The following ANXA13 variants were observed in gnomAD, a reference collection of about 807,000 sequenced individuals.
ANXA13 encodes annexin A13, also known as annexin XIII.
A neutral mutation model predicts 46.6 loss-of-function variants in ANXA13; 36 were observed. The observed-to-expected ratio is 0.77, with a 90% CI of 0.59 to 1.02. ANXA13 has a LOEUF of 1.02. Among genes scored for constraint, ANXA13 ranks in the 50% least tolerant of loss-of-function variants. The pLI is 0.00. For missense variants in ANXA13, 417 were observed against 396.5 expected (o/e 1.05, Z -0.44); for synonymous variants, 163 against 152.9 (o/e 1.07, Z -0.49).
chr8:123,686,172 G>A (rs1005113933), intron 9 of ANXA13, among the ~76,000 whole-genome samples: 2 of 152,138 alleles, frequency 1.3e-5, no homozygotes, highest in Admixed American at 1.3e-4. Flanking sequence ...AGAAGATGTG[G>A]AATAAAATTA....
chr8:123,721,825 C>G (rs1385121272), intron 1 of ANXA13, among the ~76,000 whole-genome samples: 1 of 152,116 alleles, frequency 6.6e-6, no homozygotes, highest in African/African-American at 2.4e-5. Context: ...TTAATTCTCC[C>G]AACAACCCTA....
At chr8:123,723,959 C>T (rs536877104) in intron 1 of ANXA13, among the ~76,000 whole-genome samples, 15 of 152,246 alleles carry the variant, frequency 9.9e-5, no homozygotes, top group African/African-American at 3.4e-4. Context: ...ACACTGAATG[C>T]CTTTTCTTTG....
At chr8:123,704,934 T>A (rs958549861) in intron 2 of ANXA13, among the ~76,000 whole-genome samples, 4 of 152,352 alleles carry the variant, frequency 2.6e-5, no homozygotes, top group African/African-American at 7.2e-5. Context: ...CCCTAATCTC[T>A]CCTCTGAGTT....
intron 8 of ANXA13, 47 bp downstream of exon 8, chr8:123,693,148 TAA>T: frequency 6.5e-7 from 1 of 1,527,944 alleles, no homozygotes; most frequent in Non-Finnish European, 9.0e-7. Flanking sequence ...GGAAATAACT[TAA>T]GACACTTTCA....
At chr8:123,735,781 T>G in intron 1 of ANXA13, 1 of 1,612,306 alleles carries the variant, frequency 6.2e-7, no homozygotes, top group Non-Finnish European at 8.5e-7. Flanking sequence ...GGCTCTCCAT[T>G]CCGTGATGGG....
intron 1 of ANXA13, among the ~76,000 whole-genome samples, chr8:123,719,253 G>T (rs562619230): frequency 6.6e-6 from 1 of 152,252 alleles, no homozygotes; most frequent in East Asian, 1.9e-4. Flanking sequence ...TTCATGAGAG[G>T]CATGTGAATT....
chr8:123,710,445 A>G (rs1002760142), intron 2 of ANXA13, among the ~76,000 whole-genome samples: 1 of 152,200 alleles, frequency 6.6e-6, no homozygotes, highest in African/African-American at 2.4e-5. Context: ...AATCCTGTGA[A>G]TATACTAAAA....
In ANXA13 at chr8:123,695,550, T is replaced by C. The variant is rs1462018969; in HGVS notation, c.423A>G (p.Lys141=). The C allele has an allele frequency of 1.9e-6, 3 of 1,614,094 alleles. No individual in the cohort carries two copies. Among genetic ancestry groups the C allele is most frequent in the Non-Finnish European group, 2.5e-6 (3 of 1,179,996 alleles). Residue 141 remains lysine, a synonymous_variant, in exon 6 of 11, where the codon AAA becomes AAG. Transcript: ENST00000419625. ...LFDRSLESDV[K]GDTSGNLKKI... ...TTTTTAGGTTTCCACTTGTATCACC[T>C]TTGACATCTGATTCGAGGCTCCTAT...
At chr8:123,734,689 CTG>C (rs1003595094) in intron 1 of ANXA13, among the ~76,000 whole-genome samples, 2 of 151,230 alleles carry the variant, frequency 1.3e-5, no homozygotes, top group African/African-American at 4.9e-5. Context: ...GGGCCCTGGT[CTG>C]TGGACATATT....
chr8:123,681,451 T>A, intron 10 of ANXA13, 92 bp from the exon 11 acceptor site: 1 of 1,315,198 alleles, frequency 7.6e-7, no homozygotes, highest in East Asian at 2.4e-5. Flanking sequence ...ACTCATTTGC[T>A]CATTCATGCC....
chr8:123,698,744 T>C (rs1813391580), intron 3 of ANXA13, among the ~76,000 whole-genome samples, 185 bp from the exon 4 acceptor site: 2 of 152,320 alleles, frequency 1.3e-5, no homozygotes, highest in South Asian at 4.1e-4. Context: ...TCCCCAGGGC[T>C]GGCAGAGAGG....
At chr8:123,700,957 G>C (rs938935163) in intron 3 of ANXA13, among the ~76,000 whole-genome samples, 1 of 151,998 alleles carries the variant, frequency 6.6e-6, no homozygotes, top group Non-Finnish European at 1.5e-5. Context: ...TGAGTAGCAG[G>C]GACTACAGGC....
chr8:123,729,910 CA>C (rs1814080270), intron 1 of ANXA13, among the ~76,000 whole-genome samples: 1 of 152,170 alleles, frequency 6.6e-6, no homozygotes, highest in Non-Finnish European at 1.5e-5. Context: ...TATAGATCCC[CA>C]AACCAAATTC....
chr8:123,736,604 A>G (rs1422275061), intron 1 of ANXA13, among the ~76,000 whole-genome samples: 1 of 152,208 alleles, frequency 6.6e-6, no homozygotes, highest in Non-Finnish European at 1.5e-5. Flanking sequence ...ATGAGTATTT[A>G]CCTTGGTCTA....
At chr8:123,687,452 C>G (rs1381813748) in intron 9 of ANXA13, among the ~76,000 whole-genome samples, 1 of 152,116 alleles carries the variant, frequency 6.6e-6, no homozygotes, top group African/African-American at 2.4e-5. Context: ...ATTGCAACCT[C>G]CGGCATAAAT....
intron 1 of ANXA13, among the ~76,000 whole-genome samples, chr8:123,724,434 T>C (rs1813943287): frequency 6.6e-6 from 1 of 152,194 alleles, no homozygotes; most frequent in African/African-American, 2.4e-5. Flanking sequence ...TAAATATTTC[T>C]AAAACTCCCC....
intron 8 of ANXA13, among the ~76,000 whole-genome samples, chr8:123,691,711 C>A (rs1813246417): frequency 6.6e-6 from 1 of 152,208 alleles, no homozygotes; most frequent in Non-Finnish European, 1.5e-5. Context: ...CCTGGAACAC[C>A]TGCTCTAACA....
intron 10 of ANXA13, among the ~76,000 whole-genome samples, chr8:123,683,248 G>A (rs1406138705): frequency 2.6e-5 from 4 of 151,892 alleles, no homozygotes; most frequent in Non-Finnish European, 5.9e-5. Flanking sequence ...GAGTTGTGGA[G>A]GAGGAGAAAG....
At chr8:123,700,941 G>C (rs752335534) in intron 3 of ANXA13, among the ~76,000 whole-genome samples, 18 of 152,002 alleles carry the variant, frequency 1.2e-4, no homozygotes, top group Admixed American at 3.3e-4. Flanking sequence ...TCCAGCCTCA[G>C]CCTCCTGAGT....
Sources: gnomAD v4.1 joint callset for allele counts (sites outside exome capture counted in the v4.1 genomes callset) on GRCh38, gnomAD v4.1.1 for gene constraint, MANE v1.5 for transcripts, NCBI Gene and HGNC (gene_info 2026-07-23, HGNC 2026-07-21) for gene names.